SCNN1D: variants seen among roughly 807,000 people sequenced by gnomAD.
The protein encoded by SCNN1D is sodium channel epithelial 1 subunit delta.
In SCNN1D, 104 loss-of-function variants were observed where a neutral mutation model predicts 87.8. The observed-to-expected ratio is 1.18, with a 90% CI of 1.01 to 1.39. The LOEUF (loss-of-function observed/expected upper bound fraction) is 1.39. Among genes scored for constraint, SCNN1D ranks in the 40% most tolerant of loss-of-function variants. The pLI is 0.00. For missense variants in SCNN1D, 1,324 were observed against 1,093.9 expected (o/e 1.21, Z -2.97); for synonymous variants, 628 against 481.2 (o/e 1.31, Z -3.99).
chr1:1,280,940 G>T (rs945077261), intron 1 of SCNN1D: 6 of 582,276 alleles, frequency 1.0e-5, no homozygotes, highest in African/African-American at 1.9e-5. Context: ...TTCTGCGGAG[G>T]CTCCACTGGA....
chr1:1,280,708 C>A (rs920114069), intron 1 of SCNN1D, 42 bp downstream of exon 1: 7 of 700,352 alleles, frequency 1.0e-5, no homozygotes, highest in Non-Finnish European at 1.8e-5. Context: ...GCTAGTTTTT[C>A]AGGTTAACTT....
chr1:1,284,053 G>C lies in SCNN1D; in HGVS notation c.427G>C (p.Glu143Gln). Residue 143 changes from glutamate to glutamine, a missense_variant, in exon 5 of 18, where the codon GAA becomes CAA. Glu to Gln is a conservative substitution (Grantham distance 29). Transcript: ENST00000379116. ...GCTGAGCACCGAAGCATGGACGGGA[G>C]AATGGAAGCAGCCACACGGGGGGGC... The part of the protein sequence containing the change: ...QWLSTEAWTG[E>Q]WKQPHGGALT... The C allele has an allele frequency of 7.6e-7, 1 of 1,308,032 alleles. No individual in the cohort carries two copies. Among genetic ancestry groups the C allele is most frequent in the Non-Finnish European group, 9.7e-7 (1 of 1,031,644 alleles). The allele number at this position is 1,308,032 out of a possible 1,614,324, so 81.0% of individuals were successfully genotyped here.
rs770938085 is a variant in SCNN1D, at chr1:1,286,876, C to T, written c.1020C>T (p.Ala340=). ...GCAAAGGCAGAGCCGCCCTCTCCGC[C>T]ACTGTCCCCCGCCACGAGCCCCCCT... The part of the protein sequence containing the change: ...NLSKGRAALS[A]TVPRHEPPFH... Residue 340 remains alanine (A), a synonymous_variant, in exon 8 of 18, where the codon GCC becomes GCT. Transcript: ENST00000379116. The T allele has an allele frequency of 6.6e-5, 107 of 1,612,482 alleles. No homozygotes were observed. The highest frequency in any genetic ancestry group is 8.6e-5 in the Non-Finnish European group (102 of 1,179,882).
intron 5 of SCNN1D, among the ~76,000 whole-genome samples, chr1:1,284,529 G>A (rs530340665): frequency 6.8e-5 from 10 of 148,122 alleles, no homozygotes; most frequent in East Asian, 2.0e-4. Context: ...TGGGGGTGCC[G>A]AGCGTGTGCT....
Position 1,285,559 on chromosome 1 carries a change from G to A in SCNN1D, c.465-12G>A. On this transcript the variant is annotated splice_polypyrimidine_tract_variant and intron_variant, in intron 5 of 17. Coordinates refer to ENST00000379116, the MANE Select transcript of SCNN1D (RefSeq NM_001130413.4). ...GGCGCATGGACACGCTACCGTACTT[G>A]CCTTTGGGTAGATCGCCTGGGCCTG... 6.6e-7 allele frequency: 1 copy of A among 1,506,162 alleles called. No homozygotes were observed. The highest frequency in any genetic ancestry group is 1.3e-5 in the South Asian group (1 of 78,544). The allele number at this position is 1,506,162 out of a possible 1,614,324, so 93.3% of individuals were successfully genotyped here.
At position 1,290,891 on chromosome 1, in the gene SCNN1D, G is replaced by A; in HGVS notation, c.1918-4G>A. ...CGTGGCCACAGCAAACCTTCCGTCTGCAGGGATGGACTCTGGCCACGCTAG... is the reference window on the plus strand; with the variant it reads ...CGTGGCCACAGCAAACCTTCCGTCTACAGGGATGGACTCTGGCCACGCTAG... On this transcript the variant is annotated splice_region_variant and splice_polypyrimidine_tract_variant and intron_variant, in intron 15 of 17. Coordinates refer to ENST00000379116, the MANE Select transcript of SCNN1D (RefSeq NM_001130413.4). 2 of 1,610,110 alleles carry A rather than the reference G, an allele frequency of 1.2e-6. No homozygotes were observed. The highest frequency in any genetic ancestry group is 1.7e-6 in the Non-Finnish European group (2 of 1,179,050).
chr1:1,283,898 CG>C (rs1262846019), intron 4 of SCNN1D, 79 bp from the exon 5 acceptor site: 2 of 706,576 alleles, frequency 2.8e-6, no homozygotes, highest in Non-Finnish European at 4.3e-6. Context: ...CTTTTGGGTC[CG>C]GGGCAGGTGT....
At chr1:1,281,147 C>A in intron 1 of SCNN1D, 79 bp from the exon 2 acceptor site, 1 of 1,364,030 alleles carries the variant, frequency 7.3e-7, no homozygotes, top group Non-Finnish European at 1.0e-6. Flanking sequence ...GGGACGCTCA[C>A]CCCAGGGGAG....
At position 1,286,823 on chromosome 1, in the gene SCNN1D, A is replaced by G. The variant is rs1640601636; in HGVS notation, c.967A>G (p.Ile323Val). ...GCTGGACGAGTTTGCCAGGGAGAAC[A>G]TTGACTCCCTGTACAACGTCAACCT... is the stretch of plus-strand genomic sequence containing the variant. The part of the protein sequence containing the change: ...ELLDEFAREN[I>V]DSLYNVNLSK... The change falls in exon 8 of 18, where the codon ATT becomes GTT. Residue 323 changes from isoleucine to valine, a missense_variant. Physicochemically the swap from Ile to Val is conservative, Grantham distance 29. Coordinates refer to ENST00000379116, the MANE Select transcript of SCNN1D (RefSeq NM_001130413.4). 1.9e-6 allele frequency: 3 copies of G among 1,612,512 alleles called. No individual in the cohort carries two copies. Among genetic ancestry groups the G allele is most frequent in the Admixed American group, 1.7e-5 (1 of 59,984 alleles).
At position 1,290,877 on chromosome 1, in the gene SCNN1D, C is replaced by T. The variant is rs757210360; in HGVS notation, c.1918-18C>T. ...GGGCATGGGGGAGCCGTGGCCACAG[C>T]AAACCTTCCGTCTGCAGGGATGGAC... On this transcript the variant is annotated intron_variant, in intron 15 of 17. Transcript: ENST00000379116. 6.2e-7 allele frequency: 1 copy of T among 1,609,022 alleles called. No homozygotes were observed. The highest frequency in any genetic ancestry group is 1.1e-5 in the South Asian group (1 of 90,538).
rs1459756079 is a variant in SCNN1D at position 1,291,432 on chromosome 1, G to C, written c.2231G>C (p.Gly744Ala). 1 of 1,607,364 alleles carries C rather than the reference G, an allele frequency of 6.2e-7. No individual in the cohort carries two copies. The highest frequency in any genetic ancestry group is 8.5e-7 in the Non-Finnish European group (1 of 1,177,432). ...TGGCCCAGAGCCAGCCCTGCCTCAG[G>C]GGCGTCCAGCATCAAGCCAGAGGCC... ...FSWPRASPAS[G>A]ASSIKPEASQ... Residue 744 changes from glycine (G) to alanine (A), a missense_variant, in exon 18 of 18, where the codon GGG (glycine) becomes GCG (alanine). Physicochemically the swap from Gly to Ala is moderately conservative, Grantham distance 60 (BLOSUM62 0). Coordinates refer to ENST00000379116, the MANE Select transcript of SCNN1D (RefSeq NM_001130413.4).
chr1:1,287,445 C>G, intron 9 of SCNN1D, 63 bp from the exon 10 acceptor site: 1 of 1,492,424 alleles, frequency 6.7e-7, no homozygotes, highest in Non-Finnish European at 9.0e-7. Context: ...CATGGCCCCT[C>G]AGGCCAGCGT....
At chr1:1,281,640 G>C (rs1262895) in intron 3 of SCNN1D, 30 bp downstream of exon 3, 123,759 of 1,524,762 alleles carry the variant, frequency 0.081, 7,754 homozygotes, top group African/African-American at 0.3. Context: ...TAGAGGCCTT[G>C]CCCGGGAGGA....
rs113745558 is a variant in SCNN1D, at chr1:1,290,821, C to T, written c.1918-74C>T. On this transcript the variant is annotated intron_variant, in intron 15 of 17. Transcript: ENST00000379116. The stretch of plus-strand genomic sequence containing the variant: ...GCCTATGCCCCGTGGTCTCTGCCCC[C>T]ACATCCGCCCGTGGTACCCAGGATG... The T allele has an allele frequency of 4.2e-3, 6,643 of 1,584,850 alleles. 229 individuals are homozygous for T. The African/African-American group carries it at 0.07, about 17-fold the overall frequency.
Position 1,287,141 on chromosome 1 carries a change from A to C in SCNN1D, c.1152A>C (p.Arg384=), listed in dbSNP as rs766820907. 1.2e-5 allele frequency: 20 copies of C among 1,601,694 alleles called. No individual in the cohort carries two copies. The South Asian group carries it at 1.3e-4, about 11-fold the overall frequency. ...CNSTGGDCFY[R]GYTSGVAAVQ... Reference sequence around the variant, plus strand: ...GCACGGGCGGCGACTGCTTTTACCGAGGCTACACGTCAGGCGTGGCGGCTG... The same window carrying C: ...GCACGGGCGGCGACTGCTTTTACCGCGGCTACACGTCAGGCGTGGCGGCTG... The change falls in exon 9 of 18, where the codon CGA becomes CGC. Residue 384 remains arginine, a synonymous_variant. Coordinates refer to ENST00000379116, the MANE Select transcript of SCNN1D (RefSeq NM_001130413.4).
intron 12 of SCNN1D, 28 bp downstream of exon 12, chr1:1,288,065 G>GCGGGT: frequency 2.7e-6 from 4 of 1,478,636 alleles, no homozygotes; most frequent in Non-Finnish European, 2.7e-6. Flanking sequence ...GGGGGTGCGG[G>GCGGGT]GGCAGGTGAG....
At position 1,286,295 on chromosome 1, in the gene SCNN1D, TCGG is replaced by T. The variant is rs762436996; in HGVS notation, c.911+21_911+23del. On this transcript the variant is annotated intron_variant, in intron 7 of 17. Coordinates refer to ENST00000379116, the MANE Select transcript of SCNN1D (RefSeq NM_001130413.4). ...CCCACGTCGGTGAGGGCCAGGGCTG[TCGG>T]CGGGAGGGGTGGCCGCCCCAGCTCC... The T allele has an allele frequency of 7.1e-6, 11 of 1,543,958 alleles. No individual in the cohort carries two copies. Among genetic ancestry groups the T allele is most frequent in the Non-Finnish European group, 8.7e-6 (10 of 1,145,686 alleles).
chr1:1,281,331 T>C (rs1325025177), intron 2 of SCNN1D, 34 bp downstream of exon 2: 4 of 1,535,260 alleles, frequency 2.6e-6, no homozygotes, highest in Non-Finnish European at 3.5e-6. Flanking sequence ...CAATGGGGCC[T>C]GGCCGTCTTT....
chr1:1,287,589 CA>C lies in SCNN1D; in HGVS notation c.1393del (p.Thr465ProfsTer100). The C allele has an allele frequency of 6.3e-7, 1 of 1,598,120 alleles. No homozygotes were observed. The highest frequency in any genetic ancestry group is 8.5e-7 in the Non-Finnish European group (1 of 1,170,784). On this transcript the variant is annotated frameshift_variant, in exon 10 of 18. Transcript: ENST00000379116. LOFTEE classifies it high-confidence loss of function. ...GVWTAQRPGI[T>X]HGVGLVLRVE... ...TCTGGACAGCTCAGCGCCCCGGCAT[CA>C]CCCACGGTGGGTGCCAGCCCCTGGC... is the stretch of plus-strand genomic sequence containing the variant.
Sources: allele counts gnomAD v4.1 joint callset (sites outside exome capture counted in the v4.1 genomes callset), GRCh38; gene constraint gnomAD v4.1.1; transcripts MANE v1.5; gene names NCBI Gene and HGNC (gene_info 2026-07-23, HGNC 2026-07-21).